The following TTC29 variants were observed in gnomAD, a reference collection of about 807,000 sequenced individuals.
The protein encoded by TTC29 is tetratricopeptide repeat protein 29.
Under a neutral mutation model 58.1 loss-of-function variants are expected in TTC29, and 49 were observed. That is an observed-to-expected ratio of 0.84 (90% CI 0.67 to 1.07). The LOEUF is 1.07. TTC29 is among the 50% of genes least tolerant of loss of function. The probability of loss-of-function intolerance (pLI) is 0.00; values close to 1 mark genes in which losing one functional copy is unlikely to be tolerated. For synonymous variants in TTC29, 209 were observed against 196.8 expected, an observed-to-expected ratio of 1.06 and a Z score of -0.52; for missense variants, 582 against 555.6, an observed-to-expected ratio of 1.05 and a Z score of -0.48.
chr4:146,783,160 C>T (rs529859302), intron 11 of TTC29, among the ~76,000 whole-genome samples: 2 of 151,924 alleles, frequency 1.3e-5, no homozygotes, highest in East Asian at 1.9e-4. Flanking sequence ...TTTTGATATA[C>T]GCATACATTG....
chr4:146,930,902 G>A (rs533757628), intron 4 of TTC29, among the ~76,000 whole-genome samples: 2 of 152,266 alleles, frequency 1.3e-5, no homozygotes, highest in African/African-American at 4.8e-5. Flanking sequence ...TTTCCCAAAT[G>A]GTTTTTAAAT....
At chr4:146,922,910 A>G (rs1734688950) in intron 4 of TTC29, among the ~76,000 whole-genome samples, 1 of 151,874 alleles carries the variant, frequency 6.6e-6, no homozygotes, top group South Asian at 2.1e-4. Flanking sequence ...TAGCTGGAGA[A>G]GATTTAGAAG....
chr4:146,708,340 A>ATATATATATATATATATATACATG (rs1561046985), intron 11 of TTC29, among the ~76,000 whole-genome samples: 19 of 40,468 alleles, frequency 4.7e-4, no homozygotes, highest in African/African-American at 1.2e-3. Flanking sequence ...ATATATATAT[A>ATATATATATATATATATATACATG]TATATATATA....
chr4:146,729,451 C>T (rs1231088652), intron 11 of TTC29, among the ~76,000 whole-genome samples: 1 of 151,940 alleles, frequency 6.6e-6, no homozygotes, highest in Non-Finnish European at 1.5e-5. Flanking sequence ...ATCTTTTAAA[C>T]TTGTTTATCA....
intron 4 of TTC29, among the ~76,000 whole-genome samples, chr4:146,927,856 A>G (rs572635355): frequency 1.3e-5 from 2 of 152,252 alleles, no homozygotes; most frequent in South Asian, 4.1e-4. Flanking sequence ...TGAAGGGGTA[A>G]AAGATCATGG....
chr4:146,778,380 A>G (rs1326129812), intron 11 of TTC29, among the ~76,000 whole-genome samples: 1 of 151,954 alleles, frequency 6.6e-6, no homozygotes, highest in Admixed American at 6.6e-5. Context: ...TGAAGAGCCT[A>G]TTTACTTGCT....
At chr4:146,860,595 C>T (rs66832912) in intron 8 of TTC29, among the ~76,000 whole-genome samples, 4,952 of 152,156 alleles carry the variant, frequency 0.033, 135 homozygotes, top group East Asian at 0.13. Flanking sequence ...GAAGGATACT[C>T]TCAATGATTC....
At chr4:146,815,845 A>G (rs1181387458) in intron 10 of TTC29, among the ~76,000 whole-genome samples, 1 of 152,162 alleles carries the variant, frequency 6.6e-6, no homozygotes, top group South Asian at 2.1e-4. Context: ...AGGGCAAAAA[A>G]CACAACTTTT....
chr4:146,805,775 A>C (rs1004997293), intron 10 of TTC29, among the ~76,000 whole-genome samples: 2 of 152,162 alleles, frequency 1.3e-5, no homozygotes, highest in African/African-American at 4.8e-5. Context: ...TGTACCTGAA[A>C]GTGATGGGCA....
chr4:146,856,402 C>T (rs537861793), intron 8 of TTC29, among the ~76,000 whole-genome samples: 1 of 151,892 alleles, frequency 6.6e-6, no homozygotes, highest in Non-Finnish European at 1.5e-5. Flanking sequence ...TAAAAAAAAT[C>T]AATAAATTTT....
chr4:146,935,263 C>T (rs1049621889), intron 4 of TTC29, among the ~76,000 whole-genome samples: 2 of 151,956 alleles, frequency 1.3e-5, no homozygotes, highest in African/African-American at 4.8e-5. Context: ...TTTTGGGGTA[C>T]ATGATGAGAG....
intron 11 of TTC29, among the ~76,000 whole-genome samples, chr4:146,782,021 G>GA (rs75599808): frequency 0.021 from 3,126 of 148,814 alleles, 89 homozygotes; most frequent in East Asian, 0.14. Context: ...GCAAATAAAT[G>GA]AAAAAAAAAG....
intron 3 of TTC29, among the ~76,000 whole-genome samples, chr4:146,938,647 A>C (rs978161427): frequency 1.3e-5 from 2 of 152,178 alleles, no homozygotes; most frequent in African/African-American, 4.8e-5. Context: ...CTATAGGAAA[A>C]GAAAATTTTG....
At chr4:146,890,197 G>A (rs919058751) in intron 6 of TTC29, among the ~76,000 whole-genome samples, 11 of 152,154 alleles carry the variant, frequency 7.2e-5, no homozygotes, top group East Asian at 3.9e-4. Context: ...AACTCAAGGC[G>A]TCAGGAGGGT....
chr4:146,777,856 C>T (rs1452185273), intron 11 of TTC29, among the ~76,000 whole-genome samples: 2 of 152,164 alleles, frequency 1.3e-5, no homozygotes, highest in East Asian at 1.9e-4. Context: ...GAAGATGTCT[C>T]CCAGGGTTTT....
intron 6 of TTC29, among the ~76,000 whole-genome samples, chr4:146,883,016 G>A (rs546582423): frequency 4.0e-4 from 61 of 152,128 alleles, no homozygotes; most frequent in African/African-American, 1.4e-3. Flanking sequence ...ACCCTCAGGT[G>A]TTAGTATATT....
intron 11 of TTC29, among the ~76,000 whole-genome samples, chr4:146,731,813 G>A (rs1030965763): frequency 1.2e-4 from 19 of 152,152 alleles, no homozygotes; most frequent in African/African-American, 4.6e-4. Flanking sequence ...GCTGACACTT[G>A]GGAATCAAAG....
intron 4 of TTC29, among the ~76,000 whole-genome samples, chr4:146,914,526 G>A (rs1734093926): frequency 6.6e-6 from 1 of 152,098 alleles, no homozygotes; most frequent in African/African-American, 2.4e-5. Context: ...TTTATGGAGA[G>A]ATTTAATATT....
At chr4:146,825,847 C>G (rs148523123) in intron 9 of TTC29, among the ~76,000 whole-genome samples, 1 of 151,964 alleles carries the variant, frequency 6.6e-6, no homozygotes, top group African/African-American at 2.4e-5. Context: ...TTCCCTTTAC[C>G]ATTATGTAAT....
Sources: gnomAD v4.1 joint callset for allele counts (sites outside exome capture counted in the v4.1 genomes callset) on GRCh38, gnomAD v4.1.1 for gene constraint, MANE v1.5 for transcripts, NCBI Gene and HGNC (gene_info 2026-07-23, HGNC 2026-07-21) for gene names.